VWC2: variants seen among roughly 807,000 people sequenced by gnomAD.
VWC2 encodes brorin.
VWC2 carries 14 observed loss-of-function variants against 29.8 expected under a neutral mutation model. The observed-to-expected ratio is 0.47, with a 90% CI of 0.31 to 0.74. The LOEUF (loss-of-function observed/expected upper bound fraction) is 0.74, where lower values mean the gene tolerates loss of function less well. Ranked by LOEUF, VWC2 falls within the 30% of genes least tolerant of loss-of-function variation. VWC2 has a pLI of 0.05. For synonymous variants in VWC2, 213 were observed against 199.0 expected (o/e 1.07, Z -0.59); for missense variants, 457 against 459.8 (o/e 0.99, Z 0.05).
In VWC2 at chr7:49,843,392, A is replaced by G. The variant is rs149118748; in HGVS notation, c.826+40552A>G. On this transcript the variant is annotated intron_variant, in intron 3 of 3. Coordinates refer to ENST00000340652, the MANE Select transcript of VWC2 (RefSeq NM_198570.5). ...AGACACAGCTCAGTGAGGCCCATGGACGTATTAAGCAAATGTTTTCAGAGA... is the reference window on the plus strand; with the variant it reads ...AGACACAGCTCAGTGAGGCCCATGGGCGTATTAAGCAAATGTTTTCAGAGA... 1.1e-4 allele frequency among the ~76,000 whole-genome samples: 17 copies of G among 152,266 alleles called. 1 individual carries two copies. The highest frequency in any genetic ancestry group is 6.8e-3 in the Middle Eastern group (2 of 294).
chr7:49,788,445 CTGTGTG>C (rs35708736), intron 2 of VWC2, among the ~76,000 whole-genome samples: 20 of 148,178 alleles, frequency 1.3e-4, no homozygotes, highest in South Asian at 4.4e-4. Context: ...TTCCCCTGGC[CTGTGTG>C]TGTGTGTGTG....
At chr7:49,813,883 C>T (rs903182371) in intron 3 of VWC2, among the ~76,000 whole-genome samples, 1 of 152,174 alleles carries the variant, frequency 6.6e-6, no homozygotes, top group Non-Finnish European at 1.5e-5. Flanking sequence ...CCATAGGAAG[C>T]ATTAGCTACA....
intron 3 of VWC2, among the ~76,000 whole-genome samples, chr7:49,812,289 G>A (rs1305070823): frequency 6.6e-6 from 1 of 152,150 alleles, no homozygotes; most frequent in African/African-American, 2.4e-5. Flanking sequence ...TACACTGGGT[G>A]AGTTTTATGG....
chr7:49,885,877 G>T (rs1208073267), intron 3 of VWC2, among the ~76,000 whole-genome samples: 1 of 152,254 alleles, frequency 6.6e-6, no homozygotes, highest in Non-Finnish European at 1.5e-5. Context: ...AGGGCTACAG[G>T]CCCTTGGCAT....
chr7:49,855,554 A>G (rs1328046541), intron 3 of VWC2, among the ~76,000 whole-genome samples: 1 of 152,212 alleles, frequency 6.6e-6, no homozygotes, highest in Non-Finnish European at 1.5e-5. Flanking sequence ...CCAGGGACAG[A>G]GAGGAGGAAG....
At chr7:49,823,721 G>C (rs1313883320) in intron 3 of VWC2, among the ~76,000 whole-genome samples, 1 of 152,164 alleles carries the variant, frequency 6.6e-6, no homozygotes, top group Non-Finnish European at 1.5e-5. Flanking sequence ...TCAAATGTAG[G>C]TCAAAACAGC....
intron 3 of VWC2, among the ~76,000 whole-genome samples, chr7:49,814,608 T>C (rs996680195): frequency 2.0e-5 from 3 of 152,190 alleles, no homozygotes; most frequent in African/African-American, 7.2e-5. Flanking sequence ...GAAGTACTTT[T>C]CAGAATTAAG....
At chr7:49,882,520 G>GA (rs1179636825) in intron 3 of VWC2, among the ~76,000 whole-genome samples, 1 of 152,022 alleles carries the variant, frequency 6.6e-6, no homozygotes, top group Non-Finnish European at 1.5e-5. Flanking sequence ...GAGAAAAAGA[G>GA]AGACAGAGGG....
chr7:49,910,007 G>A (rs1417373533), intron 3 of VWC2, among the ~76,000 whole-genome samples: 1 of 152,042 alleles, frequency 6.6e-6, no homozygotes, highest in Non-Finnish European at 1.5e-5. Flanking sequence ...TACTCAGGAG[G>A]CTAAGGTGGG....
In VWC2 at chr7:49,775,341, G is replaced by A. The variant is rs1487226857; in HGVS notation, c.-95G>A. On this transcript the variant is annotated 5_prime_UTR_variant, in exon 2 of 4. Coordinates refer to ENST00000340652, the MANE Select transcript of VWC2 (RefSeq NM_198570.5). ...TGCTGTTCTCTCCGCAGGGACGGCG[G>A]CTCCCGGCTGGCGGCGGCGCGCCCC... 3 of 1,028,578 alleles carry A rather than the reference G, an allele frequency of 2.9e-6. No homozygotes were observed. Among genetic ancestry groups the A allele is most frequent in the South Asian group, 6.3e-5 (2 of 31,514 alleles). The allele number at this position is 1,028,578 out of a possible 1,614,324, so 63.7% of individuals were successfully genotyped here. A position where few individuals can be genotyped will look rare whatever the true frequency, so the allele number is the denominator to read the frequency against.
At chr7:49,782,837 G>A (rs1788207769) in intron 2 of VWC2, among the ~76,000 whole-genome samples, 6 of 152,040 alleles carry the variant, frequency 3.9e-5, no homozygotes, top group Admixed American at 3.9e-4. Flanking sequence ...CTGGACAACA[G>A]CATAAGACCC....
At chr7:49,892,341 C>T (rs1792179244) in intron 3 of VWC2, among the ~76,000 whole-genome samples, 1 of 151,824 alleles carries the variant, frequency 6.6e-6, no homozygotes, top group South Asian at 2.1e-4. Flanking sequence ...CCACCGCGCC[C>T]GGCCAGACAA....
intron 3 of VWC2, among the ~76,000 whole-genome samples, chr7:49,823,746 A>G (rs951753326): frequency 6.6e-6 from 1 of 152,202 alleles, no homozygotes; most frequent in African/African-American, 2.4e-5. Context: ...GTGAAATGTG[A>G]TATTACACTG....
At chr7:49,858,229 C>T (rs1164857356) in intron 3 of VWC2, among the ~76,000 whole-genome samples, 1 of 152,172 alleles carries the variant, frequency 6.6e-6, no homozygotes, top group East Asian at 1.9e-4. Flanking sequence ...GATTATAAAA[C>T]ATGCTGCTAT....
intron 3 of VWC2, among the ~76,000 whole-genome samples, chr7:49,845,055 T>C (rs1277623358): frequency 1.3e-5 from 2 of 152,098 alleles, no homozygotes; most frequent in South Asian, 2.1e-4. Context: ...CCGAATGTTC[T>C]CACTTATAAA....
At chr7:49,820,453 T>C (rs1424861959) in intron 3 of VWC2, among the ~76,000 whole-genome samples, 2 of 152,220 alleles carry the variant, frequency 1.3e-5, no homozygotes, top group African/African-American at 4.8e-5. Context: ...ATATTTGTTT[T>C]AAAGAAATTC....
intron 3 of VWC2, among the ~76,000 whole-genome samples, chr7:49,804,383 G>T (rs951952142): frequency 6.6e-6 from 1 of 152,138 alleles, no homozygotes; most frequent in African/African-American, 2.4e-5. Context: ...CCTCTGGTCT[G>T]CTGGGAGAGC....
intron 3 of VWC2, among the ~76,000 whole-genome samples, chr7:49,869,577 C>T (rs941010361): frequency 1.3e-5 from 2 of 152,068 alleles, no homozygotes; most frequent in African/African-American, 4.8e-5. Context: ...AGATTGAAAT[C>T]CTTATTTTAA....
chr7:49,866,156 A>G (rs1173089957), intron 3 of VWC2, among the ~76,000 whole-genome samples: 4 of 151,950 alleles, frequency 2.6e-5, no homozygotes, highest in Admixed American at 6.6e-5. Flanking sequence ...AAGCCAAACA[A>G]TTCCTTCTTT....
Sources: allele counts gnomAD v4.1 joint callset (sites outside exome capture counted in the v4.1 genomes callset), GRCh38; gene constraint gnomAD v4.1.1; transcripts MANE v1.5; gene names NCBI Gene and HGNC (gene_info 2026-07-23, HGNC 2026-07-21).